Variants in KLF12 observed in about 807,000 individuals in gnomAD.
The protein encoded by KLF12 is KLF transcription factor 12.
KLF12 carries 9 observed loss-of-function variants against 37.8 expected under a neutral mutation model. That is an observed-to-expected ratio of 0.24 (90% CI 0.14 to 0.42). KLF12 has a LOEUF of 0.42. Ranked by LOEUF, KLF12 falls within the 10% of genes least tolerant of loss-of-function variation. KLF12 has a pLI of 1.00. For missense variants in KLF12, 411 were observed against 516.0 expected (o/e 0.80, Z 1.97); for synonymous variants, 208 against 202.1 (o/e 1.03, Z -0.25).
chr13:73,844,177 A>G (rs1185327703), intron 4 of KLF12, among the ~76,000 whole-genome samples: 3 of 152,192 alleles, frequency 2.0e-5, no homozygotes, highest in African/African-American at 7.2e-5. Flanking sequence ...GTACACATAT[A>G]TAAGATAATA....
the KLF12 span, among the ~76,000 whole-genome samples, chr13:74,205,407 G>A: frequency 1.3e-5 from 2 of 152,120 alleles, no homozygotes; most frequent in African/African-American, 4.8e-5. Flanking sequence ...AGGCTTTGAG[G>A]ATATGCTAAG....
At chr13:73,705,194 A>C (rs1315294075) in intron 7 of KLF12, among the ~76,000 whole-genome samples, 2 of 152,208 alleles carry the variant, frequency 1.3e-5, no homozygotes, top group Non-Finnish European at 2.9e-5. Flanking sequence ...TAACATTTAA[A>C]ATATATCTCT....
At chr13:74,028,581 T>TA (rs1204237745) in intron 1 of KLF12, among the ~76,000 whole-genome samples, 7 of 152,100 alleles carry the variant, frequency 4.6e-5, no homozygotes, top group Non-Finnish European at 1.0e-4. Flanking sequence ...AACATTAAAG[T>TA]AGATTCCAAA....
intron 6 of KLF12, among the ~76,000 whole-genome samples, chr13:73,724,318 T>A (rs1876501139): frequency 6.6e-6 from 1 of 152,146 alleles, no homozygotes; most frequent in Admixed American, 6.5e-5. Flanking sequence ...ATGTTCTCAG[T>A]CATAAGTGGG....
chr13:73,897,325 C>A (rs1052539182), intron 3 of KLF12, among the ~76,000 whole-genome samples: 1 of 152,160 alleles, frequency 6.6e-6, no homozygotes, highest in African/African-American at 2.4e-5. Flanking sequence ...ATAAATTCAG[C>A]TTCCCAAGCG....
intron 5 of KLF12, among the ~76,000 whole-genome samples, chr13:73,782,756 G>A (rs1363714949): frequency 6.6e-6 from 1 of 152,182 alleles, no homozygotes; most frequent in Non-Finnish European, 1.5e-5. Context: ...TTAGTTTTGA[G>A]TCTGTGCATT....
intron 2 of KLF12, among the ~76,000 whole-genome samples, chr13:73,975,915 C>T (rs909405629): frequency 3.3e-5 from 5 of 152,160 alleles, no homozygotes; most frequent in African/African-American, 1.2e-4. Context: ...TGGGCGATCC[C>T]GCTATGTGCA....
chr13:74,181,872 A>C, the KLF12 span, among the ~76,000 whole-genome samples: 2 of 152,136 alleles, frequency 1.3e-5, no homozygotes, highest in Non-Finnish European at 2.9e-5. Flanking sequence ...GATATTAAGG[A>C]ATTATTCTGT....
At chr13:74,130,700 T>C (rs141775333) in intron 1 of KLF12, among the ~76,000 whole-genome samples, 8 of 152,180 alleles carry the variant, frequency 5.3e-5, no homozygotes, top group African/African-American at 1.9e-4. Context: ...GGTGTTGATT[T>C]TGAATAAAAC....
intron 5 of KLF12, 64 bp downstream of exon 5, chr13:73,813,088 C>T: frequency 6.5e-7 from 1 of 1,550,182 alleles, no homozygotes; most frequent in South Asian, 1.2e-5. Context: ...GGAGATGCTG[C>T]AGTTTCCATT....
At chr13:73,714,657 T>A (rs1323283847) in intron 7 of KLF12, among the ~76,000 whole-genome samples, 3 of 152,186 alleles carry the variant, frequency 2.0e-5, no homozygotes, top group Non-Finnish European at 4.4e-5. Flanking sequence ...GGAGGCATCC[T>A]GGAGGAACTG....
At position 73,690,828 on chromosome 13, in the gene KLF12, T is replaced by A. The variant is rs1873778755; in HGVS notation, c.*4662A>T. On this transcript the variant is annotated 3_prime_UTR_variant, in exon 8 of 8. Coordinates refer to ENST00000377669, the MANE Select transcript of KLF12 (RefSeq NM_007249.5). ...TGAAAATACTTTTTCCACTATCACA[T>A]ATGTTACGAATACAGTAAAATATCT... The A allele has an allele frequency of 6.6e-6, 1 of 151,292 alleles. No individual in the cohort carries two copies. Among genetic ancestry groups the A allele is most frequent in the Non-Finnish European group, 1.5e-5 (1 of 66,938 alleles). 9.4% of individuals were successfully genotyped at this position (151,292 alleles called of 1,614,324 possible). A position where few individuals can be genotyped will look rare whatever the true frequency, so the allele number is the denominator to read the frequency against.
intron 5 of KLF12, among the ~76,000 whole-genome samples, chr13:73,799,307 A>G (rs1882160406): frequency 6.6e-6 from 1 of 152,164 alleles, no homozygotes; most frequent in Non-Finnish European, 1.5e-5. Context: ...ACTATTGGGT[A>G]CTGGGCTTAA....
the KLF12 span, among the ~76,000 whole-genome samples, chr13:74,241,072 GT>G: frequency 1.3e-4 from 20 of 152,222 alleles, no homozygotes; most frequent in Admixed American, 5.2e-4. Context: ...CATCTTTGTG[GT>G]TTTATCTACT....
the KLF12 span, among the ~76,000 whole-genome samples, chr13:74,226,739 T>C: frequency 6.6e-6 from 1 of 152,202 alleles, no homozygotes; most frequent in African/African-American, 2.4e-5. Flanking sequence ...GCCAGAAGAT[T>C]GCTCTATGAT....
the KLF12 span, among the ~76,000 whole-genome samples, chr13:74,156,327 C>T: frequency 3.3e-5 from 5 of 152,256 alleles, no homozygotes; most frequent in South Asian, 1.0e-3. Context: ...CCTCTCTTAT[C>T]TCCTTTGGGA....
chr13:73,881,380 AT>A (rs1369910542), intron 3 of KLF12, among the ~76,000 whole-genome samples: 2 of 152,164 alleles, frequency 1.3e-5, no homozygotes, highest in Non-Finnish European at 1.5e-5. Flanking sequence ...TGTAATTAAT[AT>A]AAAGGAGCTA....
At chr13:73,724,370 C>G (rs57561840) in intron 6 of KLF12, among the ~76,000 whole-genome samples, 23,118 of 152,048 alleles carry the variant, frequency 0.15, 2,884 homozygotes, top group African/African-American at 0.35. Flanking sequence ...AGGGGAACAT[C>G]ACACCTGGGG....
rs557714760 is a variant in KLF12, at chr13:73,783,821, C to T, written c.807-18821G>A. On this transcript the variant is annotated intron_variant, in intron 5 of 7. Transcript: ENST00000377669. ...TCCTAGTACCTTTTATAAATCGTAC[C>T]ATCTTTGTGAACTTTAACATGACTG... 1.4e-4 allele frequency among the ~76,000 whole-genome samples: 21 copies of T among 152,048 alleles called. No individual in the cohort carries two copies. In the South Asian group the frequency reaches 4.4e-3, roughly 32 times the overall value.
Sources: gnomAD v4.1 joint callset for allele counts (sites outside exome capture counted in the v4.1 genomes callset) on GRCh38, gnomAD v4.1.1 for gene constraint, MANE v1.5 for transcripts, NCBI Gene and HGNC (gene_info 2026-07-23, HGNC 2026-07-21) for gene names.